Variants in LIFR observed in about 807,000 individuals in gnomAD.
LIFR encodes leukemia inhibitory factor receptor.
In LIFR, 84 loss-of-function variants were observed where a neutral mutation model predicts 122.2. That is an observed-to-expected ratio of 0.69 (90% CI 0.58 to 0.82). The LOEUF is 0.82. Ranked by LOEUF, LIFR falls within the 40% of genes least tolerant of loss-of-function variation. The pLI is 0.00. For missense variants in LIFR, 1,294 were observed against 1,311.6 expected (o/e 0.99, Z 0.21); for synonymous variants, 422 against 434.7 (o/e 0.97, Z 0.36).
intron 13 of LIFR, among the ~76,000 whole-genome samples, chr5:38,496,029 A>G (rs900834394): frequency 1.3e-5 from 2 of 152,102 alleles, no homozygotes; most frequent in African/African-American, 4.8e-5. Flanking sequence ...CTGACCTAAA[A>G]TAAACTTTCC....
intron 11 of LIFR, among the ~76,000 whole-genome samples, chr5:38,501,028 A>C (rs756035685): frequency 6.6e-6 from 1 of 152,118 alleles, no homozygotes; most frequent in Non-Finnish European, 1.5e-5. Context: ...TTGAAAGTGG[A>C]TCCTCTAGCC....
chr5:38,547,023 G>C (rs1285236537), intron 1 of LIFR, among the ~76,000 whole-genome samples: 1 of 152,176 alleles, frequency 6.6e-6, no homozygotes, highest in East Asian at 1.9e-4. Context: ...ACTCAGTGCA[G>C]CTCATACAGT....
intron 1 of LIFR, among the ~76,000 whole-genome samples, chr5:38,589,861 A>T (rs543508179): frequency 1.8e-4 from 28 of 152,188 alleles, no homozygotes; most frequent in Admixed American, 1.5e-3. Context: ...GAAACCTGGA[A>T]ATGCTAGAAT....
chr5:38,595,652 A>T (rs779321483), upstream of LIFR, among the ~76,000 whole-genome samples: 10 of 150,568 alleles, frequency 6.6e-5, no homozygotes, highest in Non-Finnish European at 1.0e-4. Flanking sequence ...TGTGTTTCAG[A>T]TGTCAGTGTG....
At chr5:38,508,554 C>T (rs1446940238) in intron 7 of LIFR, among the ~76,000 whole-genome samples, 2 of 151,674 alleles carry the variant, frequency 1.3e-5, no homozygotes, top group Admixed American at 1.3e-4. Context: ...TAGGGAAAAA[C>T]TAACAAGCCG....
exon 1 of LIFR, chr5:38,595,287 G>A (rs1750062324): frequency 6.5e-6 from 1 of 153,992 alleles, no homozygotes; most frequent in Admixed American, 6.5e-5. Context: ...GAGTCGCAGA[G>A]GCTCCCTTTC....
chr5:38,530,707 C>A (rs1214829010), intron 1 of LIFR, 41 bp from the exon 2 acceptor site: 5 of 1,549,972 alleles, frequency 3.2e-6, no homozygotes, highest in South Asian at 2.2e-5. Flanking sequence ...TCAGATTGTT[C>A]TGAAGGCTCA....
chr5:38,527,326 A>G (rs1202141795), intron 3 of LIFR, 32 bp from the exon 4 acceptor site: 7 of 1,308,728 alleles, frequency 5.3e-6, no homozygotes, highest in Non-Finnish European at 7.7e-6. Context: ...TAATTAGCAA[A>G]TAAAATTAAT....
At chr5:38,582,945 T>C (rs1179599875) in intron 1 of LIFR, among the ~76,000 whole-genome samples, 2 of 152,226 alleles carry the variant, frequency 1.3e-5, no homozygotes, top group Admixed American at 1.3e-4. Context: ...TCCAACAGAG[T>C]TAAATCCGGT....
intron 1 of LIFR, among the ~76,000 whole-genome samples, chr5:38,575,129 T>TA (rs1183073444): frequency 6.6e-6 from 1 of 152,202 alleles, no homozygotes. Flanking sequence ...TGGTCTAAAC[T>TA]TAACAACACA....
chr5:38,545,880 A>AG lies in LIFR; in HGVS notation c.-20+10453_-20+10454insC, dbSNP rs1304002032. Among the ~76,000 whole-genome samples, 802 of 151,670 alleles carry AG rather than the reference A, an allele frequency of 5.3e-3. 4 individuals carry two copies. The highest frequency in any genetic ancestry group is 0.017 in the African/African-American group (715 of 41,440). ...CCATCTCAAAAAAAAAGAAAAAAAA[A>AG]AAAAAAAGAAAAAATCCAATGTAAA... On this transcript the variant is annotated intron_variant, in intron 1 of 19. Coordinates refer to ENST00000453190, the MANE Select transcript of LIFR (RefSeq NM_001127671.2).
intron 1 of LIFR, among the ~76,000 whole-genome samples, chr5:38,593,316 T>C (rs1280790890): frequency 6.6e-6 from 1 of 152,156 alleles, no homozygotes; most frequent in African/African-American, 2.4e-5. Context: ...TCTGTTAGAA[T>C]GGGGAATCTG....
Position 38,522,017 on chromosome 5 carries a change from C to T in LIFR, c.561+1402G>A, listed in dbSNP as rs555640824. Reference sequence around the variant, plus strand: ...ACACTAGCTGTGGTAGGCAGGCATGCGGTGTTCCCCATGCTCCCTCCAGAA... The same window carrying T: ...ACACTAGCTGTGGTAGGCAGGCATGTGGTGTTCCCCATGCTCCCTCCAGAA... On this transcript the variant is annotated intron_variant, in intron 5 of 19. Transcript: ENST00000453190. Among the ~76,000 whole-genome samples, 6 of 152,284 alleles carry T rather than the reference C, an allele frequency of 3.9e-5. No individual in the cohort carries two copies. The South Asian group carries it at 8.3e-4, about 21-fold the overall frequency.
intron 1 of LIFR, among the ~76,000 whole-genome samples, chr5:38,534,051 G>A (rs1747161420): frequency 6.6e-6 from 1 of 152,194 alleles, no homozygotes; most frequent in Admixed American, 6.5e-5. Flanking sequence ...CACAGGAGTG[G>A]AGATGCTGGG....
At chr5:38,534,888 T>C (rs969592540) in intron 1 of LIFR, among the ~76,000 whole-genome samples, 8 of 152,194 alleles carry the variant, frequency 5.3e-5, no homozygotes, top group Admixed American at 1.3e-4. Context: ...CACCAGACTT[T>C]TTAGCAATAA....
rs193180465 is a variant in LIFR at position 38,481,637 on chromosome 5, C to G, written c.3252G>C (p.Gly1084=). The change falls in exon 20 of 20, where the codon GGG becomes GGC. Residue 1084 remains glycine (G), a synonymous_variant. Transcript: ENST00000453190. ...TCTGAAAAAAGTTTGTAAAGGACCA[C>G]CCTCCTCCATTAGATTTAGGAGAGT... is the stretch of plus-strand genomic sequence containing the variant. ...DEDSPKSNGG[G]WSFTNFFQNK... is the part of the protein sequence containing the mutation. The G allele has an allele frequency of 1.2e-6, 2 of 1,614,122 alleles. No individual in the cohort carries two copies. The highest frequency in any genetic ancestry group is 2.7e-5 in the African/African-American group (2 of 75,026).
In LIFR at chr5:38,481,881, G is replaced by A. The variant is rs142534914; in HGVS notation, c.3008C>T (p.Pro1003Leu). Residue 1003 changes from proline to leucine, a missense_variant, in exon 20 of 20, where the codon CCA becomes CTA. Physicochemically the swap from Pro to Leu is moderately conservative, Grantham distance 98. Coordinates refer to ENST00000453190, the MANE Select transcript of LIFR (RefSeq NM_001127671.2). Reference sequence around the variant, plus strand: ...AGAATTAATGGGGAGGTGCATCTGTGGCTTATAGCCTGCCCCTCCTACAGG... The same window carrying A: ...AGAATTAATGGGGAGGTGCATCTGTAGCTTATAGCCTGCCCCTCCTACAGG... ...NDPVGGAGYK[P>L]QMHLPINSTV... The A allele has an allele frequency of 3.1e-6, 5 of 1,613,990 alleles. No individual in the cohort carries two copies. The highest frequency in any genetic ancestry group is 4.2e-6 in the Non-Finnish European group (5 of 1,180,024).
intron 3 of LIFR, 103 bp from the exon 4 acceptor site, chr5:38,527,397 C>CTT: frequency 1.4e-6 from 1 of 735,766 alleles, no homozygotes; most frequent in South Asian, 1.7e-5. Context: ...TTTATGCCCT[C>CTT]TTTGTTGCAA....
At chr5:38,549,125 G>C (rs918270992) in intron 1 of LIFR, among the ~76,000 whole-genome samples, 1 of 152,056 alleles carries the variant, frequency 6.6e-6, no homozygotes, top group Non-Finnish European at 1.5e-5. Context: ...CATGCTTTAT[G>C]TGTGGGAAAT....
Sources: gnomAD v4.1 joint callset for allele counts (sites outside exome capture counted in the v4.1 genomes callset) on GRCh38, gnomAD v4.1.1 for gene constraint, MANE v1.5 for transcripts, NCBI Gene and HGNC (gene_info 2026-07-23, HGNC 2026-07-21) for gene names.